Variants in ADGRL2 observed in about 807,000 individuals in gnomAD.
The protein encoded by ADGRL2 is calcium-independent alpha-latrotoxin receptor 2.
A neutral mutation model predicts 157.4 loss-of-function variants in ADGRL2; 44 were observed. The ratio of observed to expected loss-of-function variants is 0.28; its 90% CI spans 0.22 to 0.36. ADGRL2 has a LOEUF of 0.36. Among genes scored for constraint, ADGRL2 ranks in the 10% least tolerant of loss-of-function variants. The pLI, the probability that ADGRL2 is intolerant of heterozygous loss-of-function variation, is 1.00. For missense variants in ADGRL2, 1,510 were observed against 1,768.9 expected (o/e 0.85, Z 2.63); for synonymous variants, 585 against 624.7 (o/e 0.94, Z 0.95).
At chr1:81,664,165 A>G (rs574852855) in intron 3 of ADGRL2, among the ~76,000 whole-genome samples, 1 of 152,264 alleles carries the variant, frequency 6.6e-6, no homozygotes, top group South Asian at 2.1e-4. Flanking sequence ...TCCGTGCCCA[A>G]CACAAAGCTT....
At chr1:81,801,556 C>G (rs1009945709) in intron 1 of ADGRL2, among the ~76,000 whole-genome samples, 1 of 152,212 alleles carries the variant, frequency 6.6e-6, no homozygotes, top group Non-Finnish European at 1.5e-5. Context: ...TGTGGCGTGG[C>G]TCTTCCCGGC....
At chr1:81,887,685 A>G (rs1279824884) in intron 2 of ADGRL2, among the ~76,000 whole-genome samples, 1 of 152,196 alleles carries the variant, frequency 6.6e-6, no homozygotes, top group Non-Finnish European at 1.5e-5. Context: ...TTATATCATT[A>G]TGTTATTTCA....
chr1:81,632,024 A>T (rs1389907613), intron 3 of ADGRL2, among the ~76,000 whole-genome samples: 2 of 152,228 alleles, frequency 1.3e-5, no homozygotes, highest in African/African-American at 4.8e-5. Context: ...TAGCCACATA[A>T]GAAATATTTG....
At chr1:81,701,857 T>A (rs567379332) in intron 1 of ADGRL2, among the ~76,000 whole-genome samples, 1 of 152,226 alleles carries the variant, frequency 6.6e-6, no homozygotes, top group African/African-American at 2.4e-5. Flanking sequence ...TCCCAGGAAT[T>A]GTCTCAGGAA....
At chr1:81,963,305 C>T (rs1223702534) in intron 11 of ADGRL2, among the ~76,000 whole-genome samples, 2 of 151,964 alleles carry the variant, frequency 1.3e-5, no homozygotes, top group Non-Finnish European at 1.5e-5. Flanking sequence ...TTATCGTTAA[C>T]GTCCCTCGTT....
intron 1 of ADGRL2, among the ~76,000 whole-genome samples, chr1:81,437,950 A>G (rs1444430518): frequency 6.6e-6 from 1 of 151,964 alleles, no homozygotes; most frequent in Non-Finnish European, 1.5e-5. Context: ...ACAAATGCCT[A>G]CTATTAGTCA....
At position 81,538,109 on chromosome 1, in the gene ADGRL2, G is replaced by A. The variant is rs1051921380; in HGVS notation, c.-247-42767G>A. Among the ~76,000 whole-genome samples the A allele has an allele frequency of 8.5e-5, 13 of 152,144 alleles. No individual in the cohort carries two copies. The South Asian group carries it at 2.7e-3, about 32-fold the overall frequency. ...TAAATTTATCTTTGAAAATGTTTTG[G>A]GCTTGGGTATTTAACAAGAAGTTCT... On this transcript the variant is annotated intron_variant, in intron 2 of 24. Transcript: ENST00000370721.
chr1:81,436,349 C>T (rs1433041665), intron 1 of ADGRL2, among the ~76,000 whole-genome samples: 1 of 152,116 alleles, frequency 6.6e-6, no homozygotes, highest in Admixed American at 6.5e-5. Flanking sequence ...GGTTTGATAC[C>T]AGATAGGTGG....
intron 1 of ADGRL2, among the ~76,000 whole-genome samples, chr1:81,399,532 T>A: frequency 6.6e-6 from 1 of 152,182 alleles, no homozygotes; most frequent in Admixed American, 6.5e-5. Flanking sequence ...ATCTTCAAGT[T>A]CAAAGATTCA....
intron 1 of ADGRL2, among the ~76,000 whole-genome samples, chr1:81,378,974 G>T (rs1379281893): frequency 6.6e-6 from 1 of 152,022 alleles, no homozygotes; most frequent in Non-Finnish European, 1.5e-5. Context: ...ATATTTGATT[G>T]CCATATTTGT....
At position 81,970,450 on chromosome 1, in the gene ADGRL2, A is replaced by C. The variant is rs1658388470; in HGVS notation, c.2870A>C (p.Tyr957Ser). ...FESEYSRKKY[Y>S]YVAGYLFPAT... is the part of the protein sequence containing the mutation. ...AGTGAATATTCAAGGAAAAAATATT[A>C]CTATGTTGCTGGTTACTTGTTTCCT... The change falls in exon 16 of 24, where the codon TAC becomes TCC. Residue 957 changes from tyrosine (Y) to serine (S), a missense_variant. Around this residue, in one of 4 missense-constraint regions of ADGRL2, gnomAD observed 497 missense variants for 627.2 expected, o/e 0.79. Transcript: ENST00000686636. 6.4e-7 allele frequency: 1 copy of C among 1,563,498 alleles called. No homozygotes were observed. The highest frequency in any genetic ancestry group is 1.4e-5 in the African/African-American group (1 of 71,786).
At chr1:81,578,347 C>T (rs2080838240) in intron 2 of ADGRL2, among the ~76,000 whole-genome samples, 1 of 152,114 alleles carries the variant, frequency 6.6e-6, no homozygotes, top group African/African-American at 2.4e-5. Flanking sequence ...ACTATTTTTG[C>T]CTGGACAGAC....
At chr1:81,588,209 G>C (rs1267690796) in intron 3 of ADGRL2, 1 of 152,148 alleles carries the variant, frequency 6.6e-6, no homozygotes, top group Admixed American at 6.6e-5. Context: ...CCCCAGGGAG[G>C]ATAATTCTCA....
rs12029114 is a variant in ADGRL2 at position 81,969,740 on chromosome 1, T to C, written c.2733+353T>C. On this transcript the variant is annotated intron_variant, in intron 15 of 23. Coordinates refer to ENST00000686636, the MANE Select transcript of ADGRL2 (RefSeq NM_001366006.2). ...GATCCTTTCTTTGTATTCATAGCAA[T>C]TGATTCATCATCATGAGGTCTTAAT... Among the ~76,000 whole-genome samples the C allele has an allele frequency of 4.1e-3, 622 of 152,262 alleles. 13 individuals are homozygous for C. The highest frequency in any genetic ancestry group is 0.033 in the Admixed American group (499 of 15,292).
chr1:81,816,373 A>G (rs2090405129), intron 1 of ADGRL2, among the ~76,000 whole-genome samples: 1 of 151,812 alleles, frequency 6.6e-6, no homozygotes, highest in Admixed American at 6.6e-5. Flanking sequence ...ATTCTTAAGA[A>G]TACTTTTTAT....
At chr1:81,653,025 G>T (rs1570741925) in intron 3 of ADGRL2, among the ~76,000 whole-genome samples, 1 of 151,826 alleles carries the variant, frequency 6.6e-6, no homozygotes, top group Non-Finnish European at 1.5e-5. Context: ...GCATTCCCCT[G>T]GTGTTATCTA....
chr1:81,412,188 G>A (rs2101437173), intron 1 of ADGRL2, among the ~76,000 whole-genome samples: 1 of 152,266 alleles, frequency 6.6e-6, no homozygotes, highest in Middle Eastern at 3.4e-3. Flanking sequence ...TAGGTTAACA[G>A]GTAGACAGAA....
intron 1 of ADGRL2, among the ~76,000 whole-genome samples, chr1:81,718,066 C>T (rs1222689188): frequency 6.6e-6 from 1 of 152,338 alleles, no homozygotes; most frequent in East Asian, 1.9e-4. Flanking sequence ...TGTGGCAAGG[C>T]TCGAGTGCAG....
At chr1:81,621,668 C>A (rs892061505) in intron 3 of ADGRL2, among the ~76,000 whole-genome samples, 1 of 152,214 alleles carries the variant, frequency 6.6e-6, no homozygotes, top group African/African-American at 2.4e-5. Context: ...GCCCAGCTGA[C>A]ACCCAGATAC....
Sources: gnomAD v4.1 joint callset for allele counts (sites outside exome capture counted in the v4.1 genomes callset) on GRCh38, gnomAD v4.1.1 for gene constraint, gnomAD v4.1.1 regional missense constraint, MANE v1.5 for transcripts, NCBI Gene and HGNC (gene_info 2026-07-23, HGNC 2026-07-21) for gene names.